The following PCDHA3 variants were observed in gnomAD, a reference collection of about 807,000 sequenced individuals.
PCDHA3 encodes protocadherin alpha-3.
A neutral mutation model predicts 62.2 loss-of-function variants in PCDHA3; 41 were observed. The ratio of observed to expected loss-of-function variants is 0.66; its 90% CI spans 0.51 to 0.86. The LOEUF (loss-of-function observed/expected upper bound fraction) is 0.86. PCDHA3 is among the 40% of genes least tolerant of loss of function. PCDHA3 has a pLI of 0.00. For missense variants in PCDHA3, 1,304 were observed against 1,241.2 expected, an observed-to-expected ratio of 1.05 and a Z score of -0.76; for synonymous variants, 640 against 555.4, an observed-to-expected ratio of 1.15 and a Z score of -2.14.
At chr5:141,007,806 T>G (rs979059299) in intron 3 of PCDHA3, among the ~76,000 whole-genome samples, 12 of 152,220 alleles carry the variant, frequency 7.9e-5, no homozygotes, top group Non-Finnish European at 1.3e-4. Context: ...TATCTGCCAT[T>G]CATTTGCCTT....
chr5:140,849,958 C>A (rs2041255697), intron 1 of PCDHA3: 1 of 1,597,774 alleles, frequency 6.3e-7, no homozygotes, highest in East Asian at 2.2e-5. Flanking sequence ...CAGGAGAACG[C>A]CCTGGTGTCC....
chr5:140,976,545 T>C (rs781810490), intron 1 of PCDHA3, among the ~76,000 whole-genome samples: 1 of 152,078 alleles, frequency 6.6e-6, no homozygotes, highest in Non-Finnish European at 1.5e-5. Flanking sequence ...AGTAAGACCC[T>C]ATCTCATAAA....
At chr5:140,828,836 G>A (rs1554131583) in intron 1 of PCDHA3, 19 of 1,614,108 alleles carry the variant, frequency 1.2e-5, no homozygotes, top group Non-Finnish European at 1.5e-5. Context: ...TGAATACGAA[G>A]TAAGAATATT....
chr5:140,872,816 T>C (rs1204141018), intron 1 of PCDHA3, among the ~76,000 whole-genome samples: 2 of 152,190 alleles, frequency 1.3e-5, no homozygotes, highest in African/African-American at 4.8e-5. Context: ...GTTTTTCAGA[T>C]TCATCTAGCA....
intron 1 of PCDHA3, chr5:140,966,342 T>G: frequency 2.5e-6 from 1 of 395,470 alleles, no homozygotes; most frequent in Non-Finnish European, 4.4e-6. Flanking sequence ...AGGTCCAGGG[T>G]GAAGGAGATG....
rs560557725 is a variant in PCDHA3, at chr5:141,005,418, G to T, written c.2543-4209G>T. Among the ~76,000 whole-genome samples, 149 of 152,250 alleles carry T rather than the reference G, an allele frequency of 9.8e-4. 1 individual carries two copies. The highest frequency in any genetic ancestry group is 3.5e-3 in the African/African-American group (145 of 41,544). On this transcript the variant is annotated intron_variant, in intron 3 of 3. Transcript: ENST00000522353. ...ACAGACTTGAAGAGTGAGGAGTCAT[G>T]CTAAGAATGGATGAGAGGCTCACGC...
rs144694616 is a variant in PCDHA3, at chr5:140,836,586, G to T, written c.2394+32995G>T. ...GTCCTCTGAGGGCGCATGTAGTTTG[G>T]TAAAGCCCACTCTGGTGTGCTCCAG... On this transcript the variant is annotated intron_variant, in intron 1 of 3. Coordinates refer to ENST00000522353, the MANE Select transcript of PCDHA3 (RefSeq NM_018906.3). The T allele has an allele frequency of 5.6e-6, 9 of 1,613,634 alleles. No homozygotes were observed. The Admixed American group carries it at 1.3e-4, about 24-fold the overall frequency.
At position 140,801,403 on chromosome 5, in the gene PCDHA3, A is replaced by G; in HGVS notation, c.206A>G (p.Lys69Arg). The part of the protein sequence containing the change: ...LVPRLFRVAS[K>R]RHGDLLEVNL... ...CCGCGCCTGTTCCGGGTGGCGTCCA[A>G]AAGACACGGGGACCTTCTGGAGGTA... Residue 69 changes from lysine to arginine, a missense_variant, in exon 1 of 4, where the codon AAA becomes AGA. Coordinates refer to ENST00000522353, the MANE Select transcript of PCDHA3 (RefSeq NM_018906.3). 2 of 1,613,708 alleles carry G rather than the reference A, an allele frequency of 1.2e-6. No homozygotes were observed. The highest frequency in any genetic ancestry group is 1.7e-6 in the Non-Finnish European group (2 of 1,180,004).
At chr5:140,840,242 T>C (rs113669357) in intron 1 of PCDHA3, among the ~76,000 whole-genome samples, 1 of 152,052 alleles carries the variant, frequency 6.6e-6, no homozygotes, top group Non-Finnish European at 1.5e-5. Flanking sequence ...AGAATCACTA[T>C]GCTATAAAAA....
At chr5:140,993,958 G>A (rs782075870) in intron 3 of PCDHA3, among the ~76,000 whole-genome samples, 1 of 152,162 alleles carries the variant, frequency 6.6e-6, no homozygotes, top group Non-Finnish European at 1.5e-5. Context: ...ATACATGACT[G>A]TAGTCATCAT....
rs782314357 is a variant in PCDHA3 at position 140,927,486 on chromosome 5, C to G, written c.2395-51463C>G. The G allele has an allele frequency of 6.2e-6, 10 of 1,614,128 alleles. No individual in the cohort carries two copies. In the East Asian group the frequency reaches 2.2e-4, roughly 36 times the overall value. ...CACTGGATCGCGAACAGCGCGCCACCCACCTGCTGGTGCTTACAGCTCGGG... is the reference window on the plus strand; with the variant it reads ...CACTGGATCGCGAACAGCGCGCCACGCACCTGCTGGTGCTTACAGCTCGGG... On this transcript the variant is annotated intron_variant, in intron 1 of 3. Coordinates refer to ENST00000522353, the MANE Select transcript of PCDHA3 (RefSeq NM_018906.3).
chr5:140,969,343 G>A (rs2096321775), intron 1 of PCDHA3: 23 of 1,613,728 alleles, frequency 1.4e-5, no homozygotes, highest in Non-Finnish European at 1.9e-5. Flanking sequence ...TGAGACAGTG[G>A]TCAGGGGGTC....
At chr5:140,856,737 T>C (rs369958206) in intron 1 of PCDHA3, 7 of 1,595,910 alleles carry the variant, frequency 4.4e-6, no homozygotes, top group African/African-American at 1.3e-5. Context: ...CTGCTGATCC[T>C]GGTGTTAGAT....
At chr5:140,984,869 T>C (rs1587042657) in intron 3 of PCDHA3, among the ~76,000 whole-genome samples, 1 of 152,174 alleles carries the variant, frequency 6.6e-6, no homozygotes, top group East Asian at 1.9e-4. Flanking sequence ...ACCTATTTTA[T>C]TGAGTTACCA....
In PCDHA3 at chr5:140,850,346, C is replaced by A. The variant is rs2150480590; in HGVS notation, c.2394+46755C>A. On this transcript the variant is annotated intron_variant, in intron 1 of 3. Transcript: ENST00000522353. ...ACGAGCTGCAGCCAGAAACGGCCAGCGCGAGCATCCCGTTCCGCGTGGGGC... is the reference window on the plus strand; with the variant it reads ...ACGAGCTGCAGCCAGAAACGGCCAGAGCGAGCATCCCGTTCCGCGTGGGGC... 9 of 1,597,626 alleles carry A rather than the reference C, an allele frequency of 5.6e-6. 1 individual carries two copies. In the East Asian group the frequency reaches 2.0e-4, roughly 36 times the overall value.
intron 1 of PCDHA3, among the ~76,000 whole-genome samples, chr5:140,871,971 G>A (rs2053418279): frequency 6.6e-6 from 1 of 152,204 alleles, no homozygotes; most frequent in South Asian, 2.1e-4. Context: ...GTCTTCCTAT[G>A]ATGTCCAGGT....
chr5:140,841,949 T>C, intron 1 of PCDHA3: 1 of 1,613,920 alleles, frequency 6.2e-7, no homozygotes, highest in Non-Finnish European at 8.5e-7. Flanking sequence ...TGCGCACCAC[T>C]TATTCCTGAC....
chr5:140,824,094 A>G (rs1767995736), intron 1 of PCDHA3: 1 of 1,614,038 alleles, frequency 6.2e-7, no homozygotes, highest in Non-Finnish European at 8.5e-7. Context: ...CCTTCAGTCC[A>G]AGCCTTCCTC....
chr5:140,829,838 C>G, intron 1 of PCDHA3: 2 of 1,613,924 alleles, frequency 1.2e-6, no homozygotes, highest in Non-Finnish European at 8.5e-7. Context: ...GCTGGTGCCG[C>G]GGTCACTGGG....
Sources: gnomAD v4.1 joint callset for allele counts (sites outside exome capture counted in the v4.1 genomes callset) on GRCh38, gnomAD v4.1.1 for gene constraint, MANE v1.5 for transcripts, NCBI Gene and HGNC (gene_info 2026-07-23, HGNC 2026-07-21) for gene names.